The following ADNP variants were observed in gnomAD, a reference collection of about 807,000 sequenced individuals.
ADNP encodes activity dependent neuroprotector homeobox, also known as activity-dependent neuroprotector homeobox protein.
Under a neutral mutation model 84.9 loss-of-function variants are expected in ADNP, and 4 were observed. The ratio of observed to expected loss-of-function variants is 0.05; its 90% CI spans 0.02 to 0.11. The LOEUF (loss-of-function observed/expected upper bound fraction) is 0.11. Among genes scored for constraint, ADNP ranks in the 10% least tolerant of loss-of-function variants. The pLI is 1.00. For synonymous variants in ADNP, 554 were observed against 468.1 expected (o/e 1.18, Z -2.37); for missense variants, 1,132 against 1,326.0 (o/e 0.85, Z 2.27).
intron 2 of ADNP, among the ~76,000 whole-genome samples, chr20:50,922,327 A>G (rs887324718): frequency 5.3e-5 from 8 of 152,092 alleles, no homozygotes; most frequent in Non-Finnish European, 8.8e-5. Context: ...TCAGACTCCA[A>G]CTGTAAGTCT....
At chr20:50,898,319 T>A (rs1277229751) in intron 5 of ADNP, among the ~76,000 whole-genome samples, 3 of 152,174 alleles carry the variant, frequency 2.0e-5, no homozygotes, top group African/African-American at 7.2e-5. Flanking sequence ...CAATTCAACA[T>A]CACAGCCAGG....
At chr20:50,912,163 A>G (rs1983097010) in intron 2 of ADNP, among the ~76,000 whole-genome samples, 2 of 152,148 alleles carry the variant, frequency 1.3e-5, no homozygotes, top group African/African-American at 4.8e-5. Flanking sequence ...TGATTTTCAA[A>G]CCTTATTTTT....
chr20:50,894,203 T>A lies in ADNP; in HGVS notation c.511A>T (p.Thr171Ser). The A allele has an allele frequency of 6.2e-7, 1 of 1,614,188 alleles. No individual in the cohort carries two copies. The highest frequency in any genetic ancestry group is 8.5e-7 in the Non-Finnish European group (1 of 1,180,016). Reference protein sequence around the residue: ...EQAVYYCKKCTYRDPLYEIVR... With the variant: ...EQAVYYCKKCSYRDPLYEIVR... ...ATTTCATAAAGAGGATCTCGGTAAG[T>A]GCACTTCTTACAGTAATAAACAGCT... Residue 171 changes from threonine to serine, a missense_variant, in exon 6 of 6, where the codon ACT (threonine) becomes TCT (serine). Transcript: ENST00000621696.
chr20:50,914,848 GT>G (rs35458663), intron 2 of ADNP, among the ~76,000 whole-genome samples: 1 of 152,106 alleles, frequency 6.6e-6, no homozygotes, highest in African/African-American at 2.4e-5. Context: ...CCAGACAGTT[GT>G]TTTTTTCCCC....
chr20:50,917,853 TAATGG>T (rs1456332156), intron 2 of ADNP, among the ~76,000 whole-genome samples: 1 of 152,196 alleles, frequency 6.6e-6, no homozygotes, highest in East Asian at 1.9e-4. Context: ...CATATCCACA[TAATGG>T]GATATGATTG....
At chr20:50,926,780 C>T (rs1321699671) in intron 2 of ADNP, among the ~76,000 whole-genome samples, 1 of 152,156 alleles carries the variant, frequency 6.6e-6, no homozygotes, top group Non-Finnish European at 1.5e-5. Context: ...ATATGATTCT[C>T]AAAAGAAGAA....
chr20:50,912,996 A>G (rs943363247), intron 2 of ADNP, among the ~76,000 whole-genome samples: 2 of 152,042 alleles, frequency 1.3e-5, no homozygotes, highest in African/African-American at 4.8e-5. Context: ...TCATGTCTGT[A>G]ATCCCAGCAG....
At position 50,893,257 on chromosome 20, in the gene ADNP, T is replaced by C. The variant is rs1980992012; in HGVS notation, c.1457A>G (p.Asn486Ser). 3.7e-6 allele frequency: 6 copies of C among 1,614,064 alleles called. No homozygotes were observed. Among genetic ancestry groups the C allele is most frequent in the Non-Finnish European group, 5.1e-6 (6 of 1,180,032 alleles). Reference sequence around the variant, plus strand: ...ACAGTAGAGGCATTTGCTAGTAAAATTGTGTATTTTCATAATGTAGTTGGC... The same window carrying C: ...ACAGTAGAGGCATTTGCTAGTAAAACTGTGTATTTTCATAATGTAGTTGGC... ...AVANYIMKIH[N>S]FTSKCLYCNR... Residue 486 changes from asparagine to serine, a missense_variant, in exon 6 of 6, where the codon AAT (asparagine) becomes AGT (serine). Coordinates refer to ENST00000621696, the MANE Select transcript of ADNP (RefSeq NM_001282531.3). The surrounding 1 kb of genome is among the most constrained non-coding windows in gnomAD (Gnocchi z 4.4).
In ADNP at chr20:50,892,233, G is replaced by A. The variant is rs766380582; in HGVS notation, c.2481C>T (p.Asn827=). ...GCTTGACTTTATTTAATTCTTTCAT[G>A]TTAAACCCCAGCAACACGCCAGGCT... ...KYKPGVLLGF[N]MKELNKVKHE... The change falls in exon 6 of 6, where the codon AAC becomes AAT. Residue 827 remains asparagine, a synonymous_variant. Coordinates refer to ENST00000621696, the MANE Select transcript of ADNP (RefSeq NM_001282531.3). 4 of 1,614,076 alleles carry A rather than the reference G, an allele frequency of 2.5e-6. No individual in the cohort carries two copies. In the Admixed American group the frequency reaches 6.7e-5, roughly 27 times the overall value.
intron 2 of ADNP, among the ~76,000 whole-genome samples, chr20:50,919,289 G>GTATATATATATATATATATATATA (rs1359779030): frequency 3.1e-5 from 2 of 64,688 alleles, no homozygotes; most frequent in African/African-American, 1.1e-4. Flanking sequence ...ATATATTTAA[G>GTATATATATATATATATATATATA]TGTATATATA....
intron 5 of ADNP, among the ~76,000 whole-genome samples, chr20:50,898,382 T>C (rs545530640): frequency 1.3e-5 from 2 of 152,328 alleles, no homozygotes; most frequent in South Asian, 4.1e-4. Flanking sequence ...GGGATCATCA[T>C]GGTGCTGAGA....
chr20:50,918,774 G>C (rs1983704955), intron 2 of ADNP, among the ~76,000 whole-genome samples: 1 of 152,188 alleles, frequency 6.6e-6, no homozygotes, highest in Non-Finnish European at 1.5e-5. Flanking sequence ...AGAACAAGAG[G>C]AGAGGTCCTG....
rs183277355 is a variant in ADNP, at chr20:50,898,494, T to C, written c.201+3523A>G. 8.5e-5 allele frequency among the ~76,000 whole-genome samples: 13 copies of C among 152,370 alleles called. No individual in the cohort carries two copies. The East Asian group carries it at 1.5e-3, about 18-fold the overall frequency. ...CCTTCTTGAATTTTTGTTAGTCTCA[T>C]TGCCTTCAATGAAGCAGATGCTTTA... is the stretch of plus-strand genomic sequence containing the variant. On this transcript the variant is annotated intron_variant, in intron 5 of 5. Transcript: ENST00000621696.
intron 5 of ADNP, among the ~76,000 whole-genome samples, chr20:50,899,996 A>G (rs1981807803): frequency 1.3e-5 from 2 of 151,990 alleles, no homozygotes; most frequent in Admixed American, 1.3e-4. Context: ...GTGTTATTAC[A>G]AAAGATTCAG....
At chr20:50,922,599 AGAC>A (rs1405884507) in intron 2 of ADNP, among the ~76,000 whole-genome samples, 2 of 136,014 alleles carry the variant, frequency 1.5e-5, no homozygotes, top group African/African-American at 6.5e-5. Flanking sequence ...TTTTTTTTAA[AGAC>A]AGAATCTCAC....
rs185870312 is a variant in ADNP at position 50,902,388 on chromosome 20, A to G, written c.109-279T>C. On this transcript the variant is annotated intron_variant, in intron 4 of 5. Coordinates refer to ENST00000621696, the MANE Select transcript of ADNP (RefSeq NM_001282531.3). The stretch of plus-strand genomic sequence containing the variant: ...AAGTAAAAAATTCAGCCACACACTA[A>G]TATCAAAGCACTTTTCATTAGAGTA... Among the ~76,000 whole-genome samples, 981 of 152,306 alleles carry G rather than the reference A, an allele frequency of 6.4e-3. 44 individuals carry two copies. Among genetic ancestry groups the G allele is most frequent in the Admixed American group, 0.06 (925 of 15,296 alleles).
At chr20:50,908,216 T>C (rs1982684695) in intron 2 of ADNP, among the ~76,000 whole-genome samples, 1 of 139,068 alleles carries the variant, frequency 7.2e-6, no homozygotes, top group Admixed American at 8.0e-5. Flanking sequence ...AATTCAGAAA[T>C]ATAAGCAAAG....
At position 50,913,749 on chromosome 20, in the gene ADNP, C is replaced by A. The variant is rs1983273360; in HGVS notation, c.-89-8900G>T. 7.3e-6 allele frequency: 3 copies of A among 411,628 alleles called. No individual in the cohort carries two copies. In the Admixed American group the frequency reaches 8.6e-5, roughly 12 times the overall value. 25.5% of individuals were successfully genotyped at this position (411,628 alleles called of 1,614,324 possible). A position where few individuals can be genotyped will look rare whatever the true frequency, so the allele number is the denominator to read the frequency against. On this transcript the variant is annotated intron_variant, in intron 2 of 5. Coordinates refer to ENST00000621696, the MANE Select transcript of ADNP (RefSeq NM_001282531.3). ...CAAAACAGACGGGTGTGTGTCTAAA[C>A]TTATGGTCTGCAACTTGGCCTACAG...
At chr20:50,894,596 AT>A in intron 5 of ADNP, 84 bp from the exon 6 acceptor site, 1 of 1,438,628 alleles carries the variant, frequency 7.0e-7, no homozygotes, top group Non-Finnish European at 9.3e-7. Flanking sequence ...GATATTCTTA[AT>A]AATGCATTGA....
Sources: gnomAD v4.1 joint callset for allele counts (sites outside exome capture counted in the v4.1 genomes callset) on GRCh38, gnomAD v4.1.1 for gene constraint, Gnocchi (gnomAD v3.1) non-coding constraint, MANE v1.5 for transcripts, NCBI Gene and HGNC (gene_info 2026-07-23, HGNC 2026-07-21) for gene names.